Variants in PRKG1 observed in about 807,000 individuals in gnomAD.
PRKG1 encodes the protein cGMP-dependent protein kinase 1.
A neutral mutation model predicts 88.1 loss-of-function variants in PRKG1; 35 were observed. The ratio of observed to expected loss-of-function variants is 0.40; its 90% CI spans 0.30 to 0.53. PRKG1 has a LOEUF of 0.53. Ranked by LOEUF, PRKG1 falls within the 20% of genes least tolerant of loss-of-function variation. The probability of loss-of-function intolerance (pLI) is 0.59; values close to 1 mark genes in which losing one functional copy is unlikely to be tolerated. For missense variants in PRKG1, 540 were observed against 839.8 expected (o/e 0.64, Z 4.41); for synonymous variants, 303 against 292.5 (o/e 1.04, Z -0.37).
intron 1 of PRKG1, among the ~76,000 whole-genome samples, chr10:51,141,216 G>A (rs1019367430): frequency 6.6e-5 from 10 of 152,116 alleles, no homozygotes; most frequent in Non-Finnish European, 1.5e-4. Flanking sequence ...TGCCTGCCTA[G>A]TTAACTGCAG....
intron 3 of PRKG1, among the ~76,000 whole-genome samples, chr10:51,486,166 A>G (rs1481054622): frequency 2.0e-5 from 3 of 152,090 alleles, no homozygotes; most frequent in South Asian, 2.1e-4. Context: ...TAGGCACTAT[A>G]CTTTACAGTA....
intron 3 of PRKG1, chr10:51,698,466 G>A (rs866839962): frequency 1.2e-6 from 2 of 1,614,084 alleles, no homozygotes; most frequent in Admixed American, 1.7e-5. Flanking sequence ...TGCATGGGGG[G>A]ACCCTGATGG....
intron 2 of PRKG1, among the ~76,000 whole-genome samples, chr10:51,264,830 A>T (rs559813878): frequency 6.6e-6 from 1 of 152,194 alleles, no homozygotes; most frequent in African/African-American, 2.4e-5. Flanking sequence ...GAGGGCTTTC[A>T]TGAACAGTTT....
intron 1 of PRKG1, among the ~76,000 whole-genome samples, chr10:51,005,103 C>A (rs960549435): frequency 6.6e-6 from 1 of 151,884 alleles, no homozygotes; most frequent in Non-Finnish European, 1.5e-5. Flanking sequence ...ATTTACTGAA[C>A]GATATCTTTG....
At chr10:51,269,814 T>C (rs1049951830) in intron 2 of PRKG1, among the ~76,000 whole-genome samples, 2 of 152,232 alleles carry the variant, frequency 1.3e-5, no homozygotes, top group African/African-American at 2.4e-5. Context: ...TCACCACTAA[T>C]GAACTTATCC....
intron 9 of PRKG1, among the ~76,000 whole-genome samples, chr10:52,218,115 G>C (rs2132817943): frequency 6.6e-6 from 1 of 151,686 alleles, no homozygotes; most frequent in South Asian, 2.1e-4. Context: ...AGGAGGCTGA[G>C]GCAGGAAAAT....
At chr10:51,139,544 GA>G (rs1417081417) in intron 1 of PRKG1, among the ~76,000 whole-genome samples, 1 of 152,126 alleles carries the variant, frequency 6.6e-6, no homozygotes, top group Non-Finnish European at 1.5e-5. Flanking sequence ...TGGTCTTTAA[GA>G]ACCAGTTACT....
intron 3 of PRKG1, among the ~76,000 whole-genome samples, chr10:51,597,748 G>A (rs897052974): frequency 6.6e-6 from 1 of 152,064 alleles, no homozygotes; most frequent in Non-Finnish European, 1.5e-5. Context: ...AGAAGTGTGA[G>A]AATTGTACTG....
intron 3 of PRKG1, among the ~76,000 whole-genome samples, chr10:51,624,877 A>C (rs2132268020): frequency 6.6e-6 from 1 of 152,342 alleles, no homozygotes; most frequent in Middle Eastern, 3.4e-3. Flanking sequence ...TCATAGAAAT[A>C]GAGAGAATAC....
intron 4 of PRKG1, among the ~76,000 whole-genome samples, chr10:51,839,658 A>G (rs907005914): frequency 1.3e-5 from 2 of 152,178 alleles, no homozygotes; most frequent in Non-Finnish European, 2.9e-5. Flanking sequence ...AGGGTTCTCG[A>G]TAATCGTAGT....
intron 2 of PRKG1, among the ~76,000 whole-genome samples, chr10:51,160,001 A>C (rs1431667369): frequency 2.6e-5 from 4 of 152,158 alleles, no homozygotes; most frequent in African/African-American, 9.7e-5. Context: ...TCTAGCAGTG[A>C]CTACATCGCA....
At chr10:51,652,321 T>TA (rs55687079) in intron 3 of PRKG1, among the ~76,000 whole-genome samples, 99,333 of 149,818 alleles carry the variant, frequency 0.66, 33,308 homozygotes, top group South Asian at 0.84. Flanking sequence ...TGACACAAAT[T>TA]AAAAAAAAAA....
intron 1 of PRKG1, among the ~76,000 whole-genome samples, chr10:51,106,160 C>A (rs921366073): frequency 2.0e-5 from 3 of 152,156 alleles, no homozygotes; most frequent in Non-Finnish European, 2.9e-5. Context: ...GTTATTAAGC[C>A]TCTCTATGCC....
At chr10:51,104,067 T>A (rs1844755294) in intron 1 of PRKG1, among the ~76,000 whole-genome samples, 1 of 152,176 alleles carries the variant, frequency 6.6e-6, no homozygotes. Context: ...TCTGTGTGTT[T>A]GTTTGTGTGT....
chr10:51,778,630 A>G (rs1160011491), intron 3 of PRKG1, among the ~76,000 whole-genome samples: 1 of 152,220 alleles, frequency 6.6e-6, no homozygotes, highest in Non-Finnish European at 1.5e-5. Context: ...GAGTGATATA[A>G]GACTGGATTT....
intron 5 of PRKG1, among the ~76,000 whole-genome samples, chr10:51,968,544 C>T (rs574072283): frequency 6.6e-6 from 1 of 151,720 alleles, no homozygotes; most frequent in Non-Finnish European, 1.5e-5. Context: ...ATAATTAGAC[C>T]AGGCATGGTG....
At chr10:51,594,200 T>A (rs983709620) in intron 3 of PRKG1, among the ~76,000 whole-genome samples, 3 of 152,028 alleles carry the variant, frequency 2.0e-5, no homozygotes, top group Non-Finnish European at 4.4e-5. Context: ...ATTTTTTAAT[T>A]TTTAATTTTG....
At chr10:51,837,072 A>C (rs1840150736) in intron 4 of PRKG1, among the ~76,000 whole-genome samples, 2 of 152,212 alleles carry the variant, frequency 1.3e-5, no homozygotes. Flanking sequence ...GAGAAAATGC[A>C]ATTCTTCTCA....
chr10:51,800,683 T>G (rs1408603322), intron 3 of PRKG1, among the ~76,000 whole-genome samples: 2 of 152,086 alleles, frequency 1.3e-5, no homozygotes, highest in Non-Finnish European at 2.9e-5. Context: ...TTTCTCATAG[T>G]TCTGGAGGCT....
Sources: allele counts gnomAD v4.1 joint callset (sites outside exome capture counted in the v4.1 genomes callset), GRCh38; gene constraint gnomAD v4.1.1; transcripts MANE v1.5; gene names NCBI Gene and HGNC (gene_info 2026-07-23, HGNC 2026-07-21).